The following COTL1 variants were observed in gnomAD, a reference collection of about 807,000 sequenced individuals.
COTL1 encodes coactosin-like protein.
In COTL1, 15 loss-of-function variants were observed where a neutral mutation model predicts 16.5. The ratio of observed to expected loss-of-function variants is 0.91; its 90% CI spans 0.61 to 1.40. The LOEUF is 1.40. Ranked by LOEUF, COTL1 falls within the 40% of genes most tolerant of loss-of-function variation. The pLI, the probability that COTL1 is intolerant of heterozygous loss-of-function variation, is 0.00. For missense variants in COTL1, 220 were observed against 201.5 expected, an observed-to-expected ratio of 1.09 and a Z score of -0.56; for synonymous variants, 112 against 85.3, an observed-to-expected ratio of 1.31 and a Z score of -1.73.
intron 2 of COTL1, among the ~76,000 whole-genome samples, chr16:84,603,572 G>A (rs1243536994): frequency 1.4e-4 from 20 of 143,596 alleles, no homozygotes. Context: ...TGGCACACAG[G>A]AAGTGTTGGG....
chr16:84,589,985 T>C (rs1904821311), intron 3 of COTL1, 120 bp downstream of exon 3: 2 of 966,570 alleles, frequency 2.1e-6, no homozygotes, highest in African/African-American at 1.6e-5. Context: ...AGACATAGCA[T>C]GGCTTGTCCC....
chr16:84,606,969 G>A (rs1015539356), intron 2 of COTL1, among the ~76,000 whole-genome samples: 7 of 152,156 alleles, frequency 4.6e-5, no homozygotes, highest in Non-Finnish European at 7.4e-5. Flanking sequence ...GCACGTGCTG[G>A]GAAAAGCCTA....
intron 3 of COTL1, among the ~76,000 whole-genome samples, chr16:84,586,274 G>T (rs980742807): frequency 1.3e-5 from 2 of 152,186 alleles, no homozygotes; most frequent in African/African-American, 4.8e-5. Context: ...CAAGAGCCAA[G>T]CAATTCCTCT....
At chr16:84,602,735 A>G (rs758561152) in intron 2 of COTL1, among the ~76,000 whole-genome samples, 27 of 152,056 alleles carry the variant, frequency 1.8e-4, no homozygotes, top group Non-Finnish European at 3.2e-4. Context: ...CACACCTGTA[A>G]TCCCAGCTAC....
intron 3 of COTL1, among the ~76,000 whole-genome samples, chr16:84,579,501 T>G (rs1904530588): frequency 6.6e-6 from 1 of 152,058 alleles, no homozygotes; most frequent in South Asian, 2.1e-4. Context: ...AAACAAATTA[T>G]AAAAACAAAA....
chr16:84,601,246 G>A (rs1960817088), intron 2 of COTL1, among the ~76,000 whole-genome samples: 1 of 152,164 alleles, frequency 6.6e-6, no homozygotes, highest in Non-Finnish European at 1.5e-5. Context: ...GTGATACAGG[G>A]ATTTTGCTGA....
intron 2 of COTL1, among the ~76,000 whole-genome samples, chr16:84,609,194 T>G (rs919330340): frequency 2.0e-5 from 3 of 152,196 alleles, no homozygotes; most frequent in African/African-American, 7.2e-5. Flanking sequence ...CTGCCGGCTC[T>G]CTGTGTGTTG....
intron 3 of COTL1, among the ~76,000 whole-genome samples, chr16:84,579,722 G>T (rs1319346247): frequency 6.6e-6 from 1 of 152,182 alleles, no homozygotes; most frequent in Non-Finnish European, 1.5e-5. Context: ...AAGCGTGTGT[G>T]CTTGTTTCAT....
At chr16:84,602,163 G>C (rs964145062) in intron 2 of COTL1, among the ~76,000 whole-genome samples, 1 of 151,450 alleles carries the variant, frequency 6.6e-6, no homozygotes, top group African/African-American at 2.4e-5. Context: ...CTTCTCAGAG[G>C]CTTTTCAGTT....
chr16:84,595,851 ATG>A (rs1427500948), intron 2 of COTL1: 1 of 151,884 alleles, frequency 6.6e-6, no homozygotes, highest in African/African-American at 2.4e-5. Context: ...AGGTGTATAT[ATG>A]TGTGTATATA....
Position 84,566,764 on chromosome 16 carries a change from C to CT in COTL1, c.*80dup, listed in dbSNP as rs1487319548. On this transcript the variant is annotated 3_prime_UTR_variant, in exon 4 of 4. Coordinates refer to ENST00000262428, the MANE Select transcript of COTL1 (RefSeq NM_021149.5). ...CTTTTCTCCCTGGTGGGCTGGTGGG[C>CT]TAGTAGCTGAGGCCGGCGGTCCTCT... The CT allele has an allele frequency of 2.2e-6, 2 of 918,876 alleles. No homozygotes were observed. The highest frequency in any genetic ancestry group is 2.4e-5 in the East Asian group (1 of 41,070). 56.9% of individuals were successfully genotyped at this position (918,876 alleles called of 1,614,324 possible).
chr16:84,603,223 C>T lies in COTL1; in HGVS notation c.161-12961G>A, dbSNP rs942587940. On this transcript the variant is annotated intron_variant, in intron 2 of 3. Coordinates refer to ENST00000262428, the MANE Select transcript of COTL1 (RefSeq NM_021149.5). Reference sequence around the variant, plus strand: ...AACAACACTCCAGCCCGCAAGCCTGCGCACACCAGCCCCCACGGGGACAGC... The same window carrying T: ...AACAACACTCCAGCCCGCAAGCCTGTGCACACCAGCCCCCACGGGGACAGC... Among the ~76,000 whole-genome samples, 90 of 152,308 alleles carry T rather than the reference C, an allele frequency of 5.9e-4. 1 individual carries two copies. The highest frequency in any genetic ancestry group is 2.1e-3 in the African/African-American group (86 of 41,562).
chr16:84,580,019 G>A (rs1462348362), intron 3 of COTL1, among the ~76,000 whole-genome samples: 3 of 152,176 alleles, frequency 2.0e-5, no homozygotes, highest in Admixed American at 1.3e-4. Context: ...CGACTGTGTC[G>A]GGAATCACTG....
intron 3 of COTL1, among the ~76,000 whole-genome samples, chr16:84,570,147 G>C (rs552553727): frequency 6.6e-6 from 1 of 152,104 alleles, no homozygotes; most frequent in African/African-American, 2.4e-5. Context: ...GTAGTGGCGC[G>C]AGCCTGTAAT....
chr16:84,599,008 T>G (rs1905062158), intron 2 of COTL1, among the ~76,000 whole-genome samples: 1 of 151,982 alleles, frequency 6.6e-6, no homozygotes, highest in African/African-American at 2.4e-5. Context: ...GCCACCAGGA[T>G]GAGCCGCTCT....
chr16:84,572,238 G>A (rs549433377), intron 3 of COTL1, among the ~76,000 whole-genome samples: 1 of 152,332 alleles, frequency 6.6e-6, no homozygotes, highest in East Asian at 1.9e-4. Context: ...CCTGCGTGGA[G>A]CAGCTGAAGT....
chr16:84,567,751 GAT>G, intron 3 of COTL1: 3 of 152,376 alleles, frequency 2.0e-5, no homozygotes, highest in Admixed American at 2.0e-4. Flanking sequence ...AGGCACCCAT[GAT>G]GCACTCAGTA....
At chr16:84,569,621 T>C (rs183485232) in intron 3 of COTL1, among the ~76,000 whole-genome samples, 2 of 152,304 alleles carry the variant, frequency 1.3e-5, no homozygotes, top group East Asian at 3.9e-4. Flanking sequence ...TTTTTGAAGA[T>C]AAGACTCATG....
chr16:84,587,794 A>T (rs1368978884), intron 3 of COTL1, among the ~76,000 whole-genome samples: 3 of 151,036 alleles, frequency 2.0e-5, no homozygotes, highest in African/African-American at 7.3e-5. Flanking sequence ...TTATTTATTT[A>T]TTTTATTTAT....
Sources: gnomAD v4.1 joint callset for allele counts (sites outside exome capture counted in the v4.1 genomes callset) on GRCh38, gnomAD v4.1.1 for gene constraint, MANE v1.5 for transcripts, NCBI Gene and HGNC (gene_info 2026-07-23, HGNC 2026-07-21) for gene names.